KCTD15: variants seen among roughly 807,000 people sequenced by gnomAD.
The protein encoded by KCTD15 is BTB/POZ domain-containing protein KCTD15.
In KCTD15, 11 loss-of-function variants were observed where a neutral mutation model predicts 27.2. The ratio of observed to expected loss-of-function variants is 0.41; its 90% CI spans 0.25 to 0.67. The LOEUF (loss-of-function observed/expected upper bound fraction) is 0.67, where lower values mean the gene tolerates loss of function less well. Ranked by LOEUF, KCTD15 falls within the 30% of genes least tolerant of loss-of-function variation. The pLI is 0.35. For synonymous variants in KCTD15, 163 were observed against 176.0 expected (o/e 0.93, Z 0.58); for missense variants, 350 against 409.3 (o/e 0.86, Z 1.25).
At chr19:33,802,587 C>T (rs1283473605) in intron 4 of KCTD15, among the ~76,000 whole-genome samples, 2 of 152,142 alleles carry the variant, frequency 1.3e-5, no homozygotes. Context: ...TGGACAGAGA[C>T]TCAGCCTGGG....
intron 2 of KCTD15, among the ~76,000 whole-genome samples, chr19:33,799,276 T>G (rs1975451654): frequency 6.6e-6 from 1 of 152,166 alleles, no homozygotes; most frequent in Non-Finnish European, 1.5e-5. Context: ...GGATTAAAAT[T>G]GGATATTGAA....
intron 4 of KCTD15, among the ~76,000 whole-genome samples, chr19:33,805,106 A>G (rs1292239531): frequency 6.6e-6 from 1 of 152,092 alleles, no homozygotes; most frequent in Admixed American, 6.5e-5. Flanking sequence ...AATTTTTTGT[A>G]GAGATGGGGT....
intron 4 of KCTD15, 99 bp downstream of exon 4, chr19:33,801,441 C>A: frequency 9.4e-7 from 1 of 1,064,008 alleles, no homozygotes; most frequent in Non-Finnish European, 1.3e-6. Context: ...TGTCACTCCA[C>A]CCACCAGGGT....
chr19:33,805,946 G>C (rs1166655105), intron 4 of KCTD15, among the ~76,000 whole-genome samples: 1 of 152,206 alleles, frequency 6.6e-6, no homozygotes, highest in African/African-American at 2.4e-5. Context: ...TCCTGGTCTT[G>C]CATTTGTTAG....
chr19:33,807,031 C>A (rs1467530218), intron 5 of KCTD15, 24 bp downstream of exon 5: 1 of 1,610,322 alleles, frequency 6.2e-7, no homozygotes, highest in Admixed American at 1.7e-5. Context: ...TGGTGGCCCC[C>A]CTGCACTGCC....
Position 33,812,753 on chromosome 19 carries a change from A to G in KCTD15, c.694-37A>G, listed in dbSNP as rs766534085. ...CAGGCCAAGCCAGGTGTCCTCTTGC[A>G]GCTTGGCCTTGATGACCTCTGTTTC... On this transcript the variant is annotated intron_variant, in intron 6 of 6. Coordinates refer to ENST00000683859, the MANE Select transcript of KCTD15 (RefSeq NM_001129994.2). 2.8e-6 allele frequency: 4 copies of G among 1,405,106 alleles called. No homozygotes were observed. In the Admixed American group the frequency reaches 1.3e-4, roughly 46 times the overall value. 87.0% of individuals were successfully genotyped at this position (1,405,106 alleles called of 1,614,324 possible).
At chr19:33,798,127 C>T (rs1471907973) in intron 1 of KCTD15, 1 of 152,190 alleles carries the variant, frequency 6.6e-6, no homozygotes, top group Non-Finnish European at 1.5e-5. Flanking sequence ...CCAGGTGGCC[C>T]GCCTGCCTCT....
chr19:33,807,084 G>A, intron 5 of KCTD15, 77 bp downstream of exon 5: 3 of 1,474,940 alleles, frequency 2.0e-6, no homozygotes, highest in African/African-American at 1.4e-5. Context: ...CTTAATAAGT[G>A]GACCCCTGGT....
intron 1 of KCTD15, among the ~76,000 whole-genome samples, chr19:33,797,219 C>T (rs1277492737): frequency 6.6e-6 from 1 of 151,700 alleles, no homozygotes; most frequent in Non-Finnish European, 1.5e-5. Flanking sequence ...CCTCCCCACG[C>T]GGGCGGTCTC....
intron 4 of KCTD15, 121 bp from the exon 5 acceptor site, chr19:33,806,742 C>T: frequency 8.9e-7 from 1 of 1,125,176 alleles, no homozygotes; most frequent in Non-Finnish European, 1.3e-6. Context: ...TCCAGAGTCA[C>T]CCATGTCAGG....
At chr19:33,800,586 GTT>G in intron 3 of KCTD15, 66 bp downstream of exon 3, 1 of 1,406,732 alleles carries the variant, frequency 7.1e-7, no homozygotes, top group Non-Finnish European at 9.8e-7. Context: ...CCCAGTGCCT[GTT>G]TACTGGCTGT....
chr19:33,794,174 C>T (rs1167221266), upstream of KCTD15, among the ~76,000 whole-genome samples: 1 of 152,214 alleles, frequency 6.6e-6, no homozygotes, highest in Admixed American at 6.5e-5. Context: ...TAAACAATGA[C>T]ACTTAGTAGC....
intron 4 of KCTD15, among the ~76,000 whole-genome samples, chr19:33,804,797 G>A (rs982525743): frequency 6.6e-6 from 1 of 152,202 alleles, no homozygotes; most frequent in African/African-American, 2.4e-5. Context: ...GGCCTAGGGG[G>A]TTGACAGGGC....
intron 4 of KCTD15, among the ~76,000 whole-genome samples, chr19:33,803,261 G>A (rs1975615899): frequency 6.6e-6 from 1 of 152,236 alleles, no homozygotes; most frequent in African/African-American, 2.4e-5. Context: ...GAGGCCAGGG[G>A]GCCTGAGAAG....
chr19:33,808,601 C>T (rs1975784128), intron 5 of KCTD15, among the ~76,000 whole-genome samples: 1 of 151,868 alleles, frequency 6.6e-6, no homozygotes, highest in African/African-American at 2.4e-5. Context: ...GGTGGGTGGC[C>T]CAGTGCCTGG....
chr19:33,813,822 GTCCCCAGCTCAGGGAGCCA>G lies in KCTD15; in HGVS notation c.*885_*903del, dbSNP rs1455625668. 3 of 156,662 alleles carry G rather than the reference GTCCCCAGCTCAGGGAGCCA, an allele frequency of 1.9e-5. No individual in the cohort carries two copies. The highest frequency in any genetic ancestry group is 7.2e-5 in the African/African-American group (3 of 41,464). The allele number at this position is 156,662 out of a possible 1,614,324, so 9.7% of individuals were successfully genotyped here. A position where few individuals can be genotyped will look rare whatever the true frequency, so the allele number is the denominator to read the frequency against. Reference sequence around the variant, plus strand: ...CCCATCTGTCAGCAGCGTCTTCTAGGTCCCCAGCTCAGGGAGCCATCCCCAGCTCCAGTTTTCTCATGCG... The same window carrying G: ...CCCATCTGTCAGCAGCGTCTTCTAGGTCCCCAGCTCCAGTTTTCTCATGCG... On this transcript the variant is annotated 3_prime_UTR_variant, in exon 7 of 7. Transcript: ENST00000683859.
rs1293877173 is a variant in KCTD15, at chr19:33,813,099, A to G, written c.*151A>G. Reference sequence around the variant, plus strand: ...AGCGAGCACCAGGGTCCCAGGTGTCATGGCAACAGAACGTGGGATGCTGGA... The same window carrying G: ...AGCGAGCACCAGGGTCCCAGGTGTCGTGGCAACAGAACGTGGGATGCTGGA... On this transcript the variant is annotated 3_prime_UTR_variant, in exon 7 of 7. Transcript: ENST00000683859. 4 of 756,582 alleles carry G rather than the reference A, an allele frequency of 5.3e-6. No homozygotes were observed. Among genetic ancestry groups the G allele is most frequent in the African/African-American group, 1.7e-5 (1 of 57,530 alleles). The allele number at this position is 756,582 out of a possible 1,614,324, so 46.9% of individuals were successfully genotyped here.
chr19:33,800,517 C>CGGCAG lies in KCTD15; in HGVS notation c.64_65insGCAGG (p.Ala22GlyfsTer63). On this transcript the variant is annotated frameshift_variant, in exon 3 of 7. Coordinates refer to ENST00000683859, the MANE Select transcript of KCTD15 (RefSeq NM_001129994.2). LOFTEE classifies it high-confidence loss of function. Reference sequence around the variant, plus strand: ...TTCACACACACGGCAGCACCGGCACCGCGGTGAGCCTGCAGGGTGGGCTGG... The same window carrying CGGCAG: ...TTCACACACACGGCAGCACCGGCACCGGCAGGCGGTGAGCCTGCAGGGTGGGCTGG... 1 of 1,592,730 alleles carries CGGCAG rather than the reference C, an allele frequency of 6.3e-7. No homozygotes were observed. The highest frequency in any genetic ancestry group is 1.3e-5 in the African/African-American group (1 of 74,800).
At position 33,796,974 on chromosome 19, in the gene KCTD15, C is replaced by T. The variant is rs1975336881; in HGVS notation, c.-140C>T. On this transcript the variant is annotated 5_prime_UTR_variant, in exon 1 of 7. Transcript: ENST00000683859. ...GGCGGGGGCTGCGCCCGAGCCCGAT[C>T]TGCCGGCTCCGAGGTAAGCTCAGCG... 1.9e-5 allele frequency: 2 copies of T among 102,804 alleles called. No individual in the cohort carries two copies. The highest frequency in any genetic ancestry group is 1.9e-4 in the Admixed American group (2 of 10,720). 6.4% of individuals were successfully genotyped at this position (102,804 alleles called of 1,614,324 possible). A position where few individuals can be genotyped will look rare whatever the true frequency, so the allele number is the denominator to read the frequency against.
Sources: gnomAD v4.1 joint callset for allele counts (sites outside exome capture counted in the v4.1 genomes callset) on GRCh38, gnomAD v4.1.1 for gene constraint, MANE v1.5 for transcripts, NCBI Gene and HGNC (gene_info 2026-07-23, HGNC 2026-07-21) for gene names.